Variants in TNPO1 observed in about 807,000 individuals in gnomAD.
TNPO1 encodes transportin-1.
TNPO1 carries 8 observed loss-of-function variants against 119.5 expected under a neutral mutation model. The ratio of observed to expected loss-of-function variants is 0.07; its 90% confidence interval spans 0.04 to 0.12. The LOEUF is 0.12. TNPO1 is among the 10% of genes least tolerant of loss of function. The pLI is 1.00. For missense variants in TNPO1, 576 were observed against 1,089.8 expected (o/e 0.53, Z 6.64); for synonymous variants, 362 against 363.0 (o/e 1.00, Z 0.03).
intron 14 of TNPO1, among the ~76,000 whole-genome samples, chr5:72,890,335 T>C (rs1306381987): frequency 2.0e-5 from 3 of 152,244 alleles, no homozygotes; most frequent in African/African-American, 4.8e-5. Flanking sequence ...TCTTTGTTTT[T>C]TCAGCAGGTA....
At chr5:72,851,088 T>C (rs1477404600) in intron 2 of TNPO1, 156 bp from the exon 3 acceptor site, 4 of 593,376 alleles carry the variant, frequency 6.7e-6, no homozygotes, top group Non-Finnish European at 1.2e-5. Flanking sequence ...TTGAAATAGA[T>C]GTTGATAGAT....
At chr5:72,864,647 C>T (rs2112328046) in intron 5 of TNPO1, among the ~76,000 whole-genome samples, 1 of 151,906 alleles carries the variant, frequency 6.6e-6, no homozygotes, top group African/African-American at 2.4e-5. Flanking sequence ...TTTGCTTTGT[C>T]ACCCAGGCTG....
At chr5:72,842,973 C>T (rs1313673282) in intron 1 of TNPO1, among the ~76,000 whole-genome samples, 1 of 152,144 alleles carries the variant, frequency 6.6e-6, no homozygotes, top group African/African-American at 2.4e-5. Context: ...TCAAGGAAGT[C>T]CTTTCTTGAC....
intron 23 of TNPO1, among the ~76,000 whole-genome samples, chr5:72,904,535 C>T (rs1750002787): frequency 6.6e-6 from 1 of 152,186 alleles, no homozygotes; most frequent in Non-Finnish European, 1.5e-5. Context: ...GTGGCTCACA[C>T]TTGTAATCCC....
intron 4 of TNPO1, among the ~76,000 whole-genome samples, chr5:72,857,302 G>C (rs1168334301): frequency 6.7e-6 from 1 of 148,764 alleles, no homozygotes; most frequent in Non-Finnish European, 1.5e-5. Flanking sequence ...TGGGTGACGA[G>C]CGAAAATCTG....
chr5:72,873,696 G>C (rs916910385), intron 7 of TNPO1, among the ~76,000 whole-genome samples: 3 of 152,212 alleles, frequency 2.0e-5, no homozygotes, highest in South Asian at 2.1e-4. Context: ...TAGAGGTCTG[G>C]AGTAGACTAT....
intron 24 of TNPO1, among the ~76,000 whole-genome samples, chr5:72,906,690 A>G (rs1750195034): frequency 6.6e-6 from 1 of 152,210 alleles, no homozygotes; most frequent in Non-Finnish European, 1.5e-5. Context: ...TTCTGTACTT[A>G]AATGGGACTA....
intron 4 of TNPO1, among the ~76,000 whole-genome samples, chr5:72,858,694 G>C (rs1037868824): frequency 6.6e-6 from 1 of 152,076 alleles, no homozygotes; most frequent in Admixed American, 6.5e-5. Context: ...AAAATTATCC[G>C]GGTGTGGTGG....
At chr5:72,818,829 CA>C (rs1743816282) in intron 1 of TNPO1, among the ~76,000 whole-genome samples, 1 of 152,176 alleles carries the variant, frequency 6.6e-6, no homozygotes, top group African/African-American at 2.4e-5. Context: ...CAATGGCGAA[CA>C]ATGCCATCCT....
chr5:72,879,677 T>A (rs1316230929), intron 9 of TNPO1, among the ~76,000 whole-genome samples: 1 of 152,252 alleles, frequency 6.6e-6, no homozygotes, highest in African/African-American at 2.4e-5. Context: ...CTTTTATATA[T>A]AAAACGCAGC....
At chr5:72,856,835 G>C (rs1172938515) in intron 4 of TNPO1, among the ~76,000 whole-genome samples, 1 of 152,064 alleles carries the variant, frequency 6.6e-6, no homozygotes, top group Admixed American at 6.6e-5. Context: ...CACACAACTG[G>C]CTATTGGTTA....
chr5:72,897,870 T>C (rs376368312), intron 20 of TNPO1, among the ~76,000 whole-genome samples: 1 of 152,092 alleles, frequency 6.6e-6, no homozygotes, highest in Non-Finnish European at 1.5e-5. Context: ...TCAATGAGTA[T>C]TCTACCAAAA....
Position 72,893,436 on chromosome 5 carries a change from T to C in TNPO1, c.1956T>C (p.Ala652=). Residue 652 remains alanine, a synonymous_variant, in exon 17 of 25, where the codon GCT becomes GCC. Transcript: ENST00000337273. ...CAGATAAAGATTTTATGATAGTGGC[T>C]CTTGATTTACTGAGTGGCCTGGCTG... ...EAPDKDFMIV[A]LDLLSGLAEG... 3 of 1,614,198 alleles carry C rather than the reference T, an allele frequency of 1.9e-6. No individual in the cohort carries two copies. The highest frequency in any genetic ancestry group is 2.2e-5 in the South Asian group (2 of 91,082).
chr5:72,829,899 C>T (rs1173221772), intron 1 of TNPO1, among the ~76,000 whole-genome samples: 1 of 152,100 alleles, frequency 6.6e-6, no homozygotes, highest in African/African-American at 2.4e-5. Context: ...TTACCCTGGG[C>T]TGTTAGCTCT....
chr5:72,893,279 CATG>C, intron 16 of TNPO1, 33 bp downstream of exon 16: 1 of 1,605,156 alleles, frequency 6.2e-7, no homozygotes, highest in South Asian at 1.1e-5. Flanking sequence ...CTCTTCTTGA[CATG>C]GTGGACATTT....
chr5:72,885,357 G>T (rs757923392), intron 11 of TNPO1, among the ~76,000 whole-genome samples: 20 of 152,128 alleles, frequency 1.3e-4, no homozygotes, highest in African/African-American at 3.1e-4. Context: ...CAGATTAGGG[G>T]AGCAGGATGG....
intron 3 of TNPO1, 37 bp from the exon 4 acceptor site, chr5:72,855,737 T>G (rs746908562): frequency 1.5e-5 from 22 of 1,514,106 alleles, no homozygotes; most frequent in Non-Finnish European, 1.3e-5. Context: ...AAATTAAGAC[T>G]ACTTCAAAAC....
chr5:72,901,722 G>A (rs1749808758), intron 22 of TNPO1, among the ~76,000 whole-genome samples: 1 of 152,070 alleles, frequency 6.6e-6, no homozygotes, highest in South Asian at 2.1e-4. Context: ...GCTAACTGTG[G>A]GACTCTAGGT....
At chr5:72,886,035 A>C (rs1045921168) in intron 11 of TNPO1, among the ~76,000 whole-genome samples, 1 of 152,166 alleles carries the variant, frequency 6.6e-6, no homozygotes, top group African/African-American at 2.4e-5. Context: ...TTATGAGGGC[A>C]GAACCCTTAA....
Sources: allele counts gnomAD v4.1 joint callset (sites outside exome capture counted in the v4.1 genomes callset), GRCh38; gene constraint gnomAD v4.1.1; transcripts MANE v1.5; gene names NCBI Gene and HGNC (gene_info 2026-07-23, HGNC 2026-07-21).